BRD10: variants seen among roughly 807,000 people sequenced by gnomAD.
The protein encoded by BRD10 is uncharacterized bromodomain-containing protein 10.
At chr9:5,930,619 A>T in the BRD10 span, among the ~76,000 whole-genome samples, 56 of 152,182 alleles carry the variant, frequency 3.7e-4, no homozygotes, top group Admixed American at 8.5e-4. Context: ...TGAATATGGA[A>T]CCGAGGCTCA....
chr9:5,977,453 GA>G, the BRD10 span, among the ~76,000 whole-genome samples: 37 of 152,180 alleles, frequency 2.4e-4, no homozygotes, highest in African/African-American at 8.9e-4. Flanking sequence ...AGTAAATAGG[GA>G]ATGGGAGCCT....
At chr9:5,922,565 T>G in the BRD10 span, 1 of 1,613,884 alleles carries the variant, frequency 6.2e-7, no homozygotes, top group African/African-American at 1.3e-5. Context: ...AGAATTTATA[T>G]TTGTTGTCTG....
chr9:5,972,077 A>C, the BRD10 span, among the ~76,000 whole-genome samples: 1 of 152,224 alleles, frequency 6.6e-6, no homozygotes, highest in Non-Finnish European at 1.5e-5. Context: ...AACAACAACA[A>C]AATCAAATCT....
the BRD10 span, chr9:6,008,348 C>A: frequency 1.6e-5 from 16 of 984,186 alleles, no homozygotes; most frequent in Non-Finnish European, 1.6e-5. Flanking sequence ...CAGTTAGAAG[C>A]CCCGCTGGGC....
chr9:6,002,846 T>A, the BRD10 span, among the ~76,000 whole-genome samples: 1 of 152,138 alleles, frequency 6.6e-6, no homozygotes, highest in Admixed American at 6.5e-5. Flanking sequence ...CTGGCTAATT[T>A]TTTTTGTTTG....
chr9:5,916,283 CTT>C, the BRD10 span, among the ~76,000 whole-genome samples: 135 of 152,266 alleles, frequency 8.9e-4, no homozygotes, highest in Non-Finnish European at 1.2e-3. Flanking sequence ...GAATTTGCCA[CTT>C]TCTCAAGCTT....
the BRD10 span, among the ~76,000 whole-genome samples, chr9:5,931,091 T>C: frequency 1.3e-5 from 2 of 152,202 alleles, no homozygotes; most frequent in African/African-American, 4.8e-5. Flanking sequence ...ACTGGAAAAC[T>C]GTTCAAAGGC....
chr9:5,892,501 C>G, the BRD10 span: 4 of 1,613,738 alleles, frequency 2.5e-6, no homozygotes, highest in Non-Finnish European at 3.4e-6. Flanking sequence ...CTCACTTCAT[C>G]TATGGTTACC....
the BRD10 span, among the ~76,000 whole-genome samples, chr9:6,006,793 A>C: frequency 3.9e-5 from 6 of 152,288 alleles, no homozygotes; most frequent in African/African-American, 1.2e-4. Flanking sequence ...AGCCAAAATT[A>C]TTTTTCTAGA....
At chr9:5,943,803 A>G in the BRD10 span, among the ~76,000 whole-genome samples, 1 of 152,316 alleles carries the variant, frequency 6.6e-6, no homozygotes, top group East Asian at 1.9e-4. Context: ...ATTGATGACT[A>G]TCATCATGAG....
At chr9:5,922,293 G>A in the BRD10 span, 8 of 1,613,952 alleles carry the variant, frequency 5.0e-6, no homozygotes, top group Non-Finnish European at 5.9e-6. Flanking sequence ...GATGACAGAG[G>A]CTGACCTGTG....
chr9:5,940,105 T>A, the BRD10 span, among the ~76,000 whole-genome samples: 1 of 147,210 alleles, frequency 6.8e-6, no homozygotes, highest in East Asian at 1.9e-4. Context: ...ATTAATTTTA[T>A]CCATTACTTG....
At chr9:5,961,654 G>C in the BRD10 span, among the ~76,000 whole-genome samples, 2 of 152,090 alleles carry the variant, frequency 1.3e-5, no homozygotes, top group African/African-American at 4.8e-5. Flanking sequence ...TCAAGCATGA[G>C]ATAATGGACA....
At chr9:5,897,343 C>A in the BRD10 span, among the ~76,000 whole-genome samples, 1,644 of 152,330 alleles carry the variant, frequency 0.011, 19 homozygotes, top group Middle Eastern at 0.082. Flanking sequence ...TTCCTGTGGG[C>A]ACACACTTGA....
the BRD10 span, among the ~76,000 whole-genome samples, chr9:5,888,649 G>A: frequency 1.3e-5 from 2 of 152,220 alleles, no homozygotes; most frequent in Non-Finnish European, 2.9e-5. Flanking sequence ...GAGCCTGGAA[G>A]ATGAGGAGCT....
the BRD10 span, among the ~76,000 whole-genome samples, chr9:5,892,019 C>T: frequency 0.96 from 145,803 of 152,354 alleles, 70,101 homozygotes; most frequent in Non-Finnish European, 0.99. Flanking sequence ...TGATATCCAA[C>T]AATAACTTTG....
chr9:5,931,238 A>C, the BRD10 span, among the ~76,000 whole-genome samples: 1 of 152,184 alleles, frequency 6.6e-6, no homozygotes, highest in Non-Finnish European at 1.5e-5. Flanking sequence ...AAGGACTAGC[A>C]GTATTGTGGC....
At chr9:5,921,086 G>A in the BRD10 span, 8 of 1,613,846 alleles carry the variant, frequency 5.0e-6, no homozygotes, top group South Asian at 8.8e-5. Context: ...ATTAACAGGG[G>A]TAATATTCTG....
the BRD10 span, among the ~76,000 whole-genome samples, chr9:5,888,162 T>C: frequency 6.6e-6 from 1 of 152,178 alleles, no homozygotes; most frequent in Non-Finnish European, 1.5e-5. Flanking sequence ...GTGGGGTTTT[T>C]TTTCTTTGTT....
Sources: allele counts gnomAD v4.1 joint callset (sites outside exome capture counted in the v4.1 genomes callset), GRCh38; gene constraint gnomAD v4.1.1; transcripts MANE v1.5; gene names NCBI Gene and HGNC (gene_info 2026-07-23, HGNC 2026-07-21).